Variants in HDGFL3 observed in about 807,000 individuals in gnomAD.
HDGFL3 encodes HDGF like 3, also known as hepatoma-derived growth factor-related protein 3.
In HDGFL3, 6 loss-of-function variants were observed where a neutral mutation model predicts 27.6. That is an observed-to-expected ratio of 0.22 (90% confidence interval 0.12 to 0.43). HDGFL3 has a LOEUF of 0.43. Ranked by LOEUF, HDGFL3 falls within the 20% of genes least tolerant of loss-of-function variation. The pLI, the probability that HDGFL3 is intolerant of heterozygous loss-of-function variation, is 1.00. For missense variants in HDGFL3, 207 were observed against 250.1 expected (o/e 0.83, Z 1.16); for synonymous variants, 88 against 88.9 (o/e 0.99, Z 0.05).
intron 5 of HDGFL3, among the ~76,000 whole-genome samples, chr15:83,148,271 T>C (rs1308064309): frequency 1.3e-5 from 2 of 152,168 alleles, no homozygotes; most frequent in South Asian, 2.1e-4. Context: ...TAAACTCTTG[T>C]ACACGTATAC....
chr15:83,205,649 T>C (rs1352262610), intron 1 of HDGFL3, among the ~76,000 whole-genome samples: 2 of 152,266 alleles, frequency 1.3e-5, no homozygotes, highest in Non-Finnish European at 2.9e-5. Flanking sequence ...AAAGCCATTA[T>C]GGTACTAGGA....
chr15:83,156,574 A>G (rs2037032304), intron 4 of HDGFL3, among the ~76,000 whole-genome samples: 1 of 152,238 alleles, frequency 6.6e-6, no homozygotes, highest in Non-Finnish European at 1.5e-5. Context: ...CATGTCACAT[A>G]GTAATGTTTG....
intron 5 of HDGFL3, 124 bp from the exon 6 acceptor site, chr15:83,139,399 A>G (rs1646370138): frequency 2.1e-6 from 1 of 487,690 alleles, no homozygotes; most frequent in Admixed American, 3.3e-5. Context: ...GCACTGCAGC[A>G]TTAACAATAC....
chr15:83,187,040 A>G (rs2151418445), intron 1 of HDGFL3, among the ~76,000 whole-genome samples: 1 of 152,326 alleles, frequency 6.6e-6, no homozygotes, highest in South Asian at 2.1e-4. Flanking sequence ...TTACTTTAAA[A>G]AATTAGTTAT....
At chr15:83,197,824 G>A (rs1235056524) in intron 1 of HDGFL3, among the ~76,000 whole-genome samples, 2 of 151,922 alleles carry the variant, frequency 1.3e-5, no homozygotes, top group African/African-American at 2.4e-5. Context: ...CCAGCACTTT[G>A]GGAGTTCGAG....
chr15:83,145,080 G>A (rs1291904415), intron 5 of HDGFL3, among the ~76,000 whole-genome samples: 2 of 151,774 alleles, frequency 1.3e-5, no homozygotes, highest in Admixed American at 6.6e-5. Flanking sequence ...AGGGACCCTC[G>A]TAAAAATCTC....
chr15:83,112,740 C>A, exon 4 of HDGFL3: 1 of 1,266,438 alleles, frequency 7.9e-7, no homozygotes, highest in Non-Finnish European at 1.2e-6. Flanking sequence ...TCAGGAAATT[C>A]CAGGCACCAA....
At chr15:83,144,549 T>C in intron 5 of HDGFL3, 1 of 455,996 alleles carries the variant, frequency 2.2e-6, no homozygotes, top group South Asian at 1.5e-5. Flanking sequence ...AGCTGCCTCA[T>C]GGTGAGATCC....
intron 1 of HDGFL3, among the ~76,000 whole-genome samples, chr15:83,189,877 C>A (rs150869671): frequency 6.6e-6 from 1 of 152,056 alleles, no homozygotes; most frequent in African/African-American, 2.4e-5. Flanking sequence ...ATATTTAATG[C>A]GGCATAATAT....
chr15:83,191,938 T>C (rs2037515466), intron 1 of HDGFL3, among the ~76,000 whole-genome samples: 1 of 142,882 alleles, frequency 7.0e-6, no homozygotes, highest in Non-Finnish European at 1.5e-5. Flanking sequence ...ATCTCTCCTT[T>C]TTTTTTTTTT....
intron 2 of HDGFL3, among the ~76,000 whole-genome samples, chr15:83,159,276 A>C (rs778104867): frequency 4.6e-5 from 7 of 152,226 alleles, no homozygotes; most frequent in Non-Finnish European, 8.8e-5. Flanking sequence ...AAAAAAAAAG[A>C]AGTTAGAACA....
At chr15:83,165,128 C>CG (rs1446620132) in intron 1 of HDGFL3, among the ~76,000 whole-genome samples, 6 of 152,356 alleles carry the variant, frequency 3.9e-5, no homozygotes, top group Non-Finnish European at 4.4e-5. Flanking sequence ...AGCTTCCCCT[C>CG]TCTACCTCAA....
intron 1 of HDGFL3, among the ~76,000 whole-genome samples, chr15:83,175,755 G>A (rs1273729353): frequency 1.3e-5 from 2 of 152,194 alleles, no homozygotes; most frequent in Non-Finnish European, 2.9e-5. Flanking sequence ...AGCTACTCGG[G>A]AGGCTGAGGC....
intron 1 of HDGFL3, among the ~76,000 whole-genome samples, chr15:83,205,394 G>C (rs1015547123): frequency 2.6e-5 from 4 of 151,958 alleles, no homozygotes; most frequent in African/African-American, 9.7e-5. Context: ...TTTCTTTCTT[G>C]TACCTATTTT....
downstream of HDGFL3, chr15:83,124,771 G>A (rs761285055): frequency 5.0e-6 from 8 of 1,612,178 alleles, no homozygotes; most frequent in Non-Finnish European, 6.8e-6. Context: ...CCTGTTCAGA[G>A]GTTTGGTAAG....
In HDGFL3 at chr15:83,207,387, T is replaced by C; in HGVS notation, c.28A>G (p.Lys10Glu). The C allele has an allele frequency of 7.2e-7, 1 of 1,379,786 alleles. No individual in the cohort carries two copies. The highest frequency in any genetic ancestry group is 9.4e-7 in the Non-Finnish European group (1 of 1,059,588). 85.5% of individuals were successfully genotyped at this position (1,379,786 alleles called of 1,614,324 possible). Reference protein sequence around the residue: MARPRPREYKAGDLVFAKMK... With the variant: MARPRPREYEAGDLVFAKMK... ...TTGGCGAAGACCAGGTCGCCCGCTTTGTACTCGCGGGGCCGCGGACGCGCC... is the reference window on the plus strand; with the variant it reads ...TTGGCGAAGACCAGGTCGCCCGCTTCGTACTCGCGGGGCCGCGGACGCGCC... Residue 10 changes from lysine (K) to glutamate (E), a missense_variant, in exon 1 of 6, where the codon AAA becomes GAA. Transcript: ENST00000299633. This position sits in a 1 kb window ranked among gnomAD's most constrained non-coding sequence, Gnocchi z 4.8.
rs1567157314 is a variant in HDGFL3 at position 83,132,026 on chromosome 15, C to T, written c.*7244G>A. The stretch of plus-strand genomic sequence containing the variant: ...CTCTGGAGGTGAACTGGTTCAGATT[C>T]TAGCCTGTTGCTGATGAGCACAATG... On this transcript the variant is annotated 3_prime_UTR_variant, in exon 6 of 6. Transcript: ENST00000299633. 4 of 152,348 alleles carry T rather than the reference C, an allele frequency of 2.6e-5. No individual in the cohort carries two copies. Among genetic ancestry groups the T allele is most frequent in the African/African-American group, 7.2e-5 (3 of 41,584 alleles). The allele number at this position is 152,348 out of a possible 1,614,324, so 9.4% of individuals were successfully genotyped here.
downstream of HDGFL3, chr15:83,126,814 T>G: frequency 6.2e-7 from 1 of 1,614,024 alleles, no homozygotes; most frequent in Non-Finnish European, 8.5e-7. Flanking sequence ...AAGAGCCCTA[T>G]CTAAAGGATC....
At chr15:83,119,004 G>A (rs1375201534) in intron 3 of HDGFL3, among the ~76,000 whole-genome samples, 2 of 152,168 alleles carry the variant, frequency 1.3e-5, no homozygotes, top group Non-Finnish European at 2.9e-5. Context: ...TTCCTCATCT[G>A]TAAAATGGAC....
Sources: allele counts gnomAD v4.1 joint callset (sites outside exome capture counted in the v4.1 genomes callset), GRCh38; gene constraint gnomAD v4.1.1; non-coding constraint Gnocchi (gnomAD v3.1); transcripts MANE v1.5; gene names NCBI Gene and HGNC (gene_info 2026-07-23, HGNC 2026-07-21).